RBPJ: variants seen among roughly 807,000 people sequenced by gnomAD.
RBPJ encodes recombining binding protein suppressor of hairless.
Under a neutral mutation model 67.8 loss-of-function variants are expected in RBPJ, and 9 were observed. That is an observed-to-expected ratio of 0.13 (90% CI 0.08 to 0.23). The LOEUF (loss-of-function observed/expected upper bound fraction) is 0.23, where lower values mean the gene tolerates loss of function less well. Among genes scored for constraint, RBPJ ranks in the 10% least tolerant of loss-of-function variants. The pLI is 1.00. For missense variants in RBPJ, 305 were observed against 595.6 expected (o/e 0.51, Z 5.08); for synonymous variants, 198 against 203.3 (o/e 0.97, Z 0.22).
At chr4:26,363,798 T>C (rs1337928937) in intron 1 of RBPJ, among the ~76,000 whole-genome samples, 1 of 152,218 alleles carries the variant, frequency 6.6e-6, no homozygotes, top group Non-Finnish European at 1.5e-5. Flanking sequence ...AATGTATGTA[T>C]GCAGTTATTC....
At chr4:26,378,139 A>T (rs992195111) in intron 1 of RBPJ, among the ~76,000 whole-genome samples, 6 of 152,020 alleles carry the variant, frequency 3.9e-5, no homozygotes, top group African/African-American at 1.4e-4. Context: ...ACTGTTCCAC[A>T]GTTGGGGTTT....
At chr4:26,276,257 A>G (rs1395265925) in intron 1 of RBPJ, among the ~76,000 whole-genome samples, 3 of 149,208 alleles carry the variant, frequency 2.0e-5, no homozygotes, top group African/African-American at 7.4e-5. Context: ...TGGGTGACAG[A>G]GCAAGACTCC....
intron 1 of RBPJ, among the ~76,000 whole-genome samples, chr4:26,305,865 C>T (rs954515724): frequency 1.3e-5 from 2 of 148,856 alleles, no homozygotes; most frequent in African/African-American, 2.5e-5. Context: ...CTGCAACCTC[C>T]GCCTCCTGGG....
intron 1 of RBPJ, among the ~76,000 whole-genome samples, chr4:26,173,917 A>T (rs1716701031): frequency 6.6e-6 from 1 of 152,164 alleles, no homozygotes; most frequent in Non-Finnish European, 1.5e-5. Context: ...GCGCAATAGG[A>T]GAGGTGTGTA....
At chr4:26,202,999 AAGG>A in intron 1 of RBPJ, among the ~76,000 whole-genome samples, 3 of 146,888 alleles carry the variant, frequency 2.0e-5, no homozygotes, top group African/African-American at 7.4e-5. Context: ...GGAAGGAAGG[AAGG>A]AAGGAAAAAA....
At chr4:26,388,249 C>A (rs1731119719) in intron 2 of RBPJ, among the ~76,000 whole-genome samples, 1 of 152,144 alleles carries the variant, frequency 6.6e-6, no homozygotes, top group African/African-American at 2.4e-5. Flanking sequence ...CTCCTGCTTC[C>A]TTGGCCTCCC....
chr4:26,115,348 C>G, the RBPJ span, among the ~76,000 whole-genome samples: 1 of 152,024 alleles, frequency 6.6e-6, no homozygotes, highest in Non-Finnish European at 1.5e-5. Context: ...CAGTCCTATT[C>G]TAAATACTAT....
intron 3 of RBPJ, among the ~76,000 whole-genome samples, chr4:26,410,626 C>CCTAA (rs1235908331): frequency 6.6e-6 from 1 of 152,118 alleles, no homozygotes; most frequent in Non-Finnish European, 1.5e-5. Flanking sequence ...GCAAAAAGTT[C>CCTAA]CTAAATATGG....
chr4:26,392,777 C>T (rs1731650306), intron 2 of RBPJ, among the ~76,000 whole-genome samples: 1 of 152,148 alleles, frequency 6.6e-6, no homozygotes, highest in Non-Finnish European at 1.5e-5. Flanking sequence ...TCACATTGCA[C>T]ACTTTAAATA....
intron 1 of RBPJ, among the ~76,000 whole-genome samples, chr4:26,380,803 TTCTTG>T: frequency 6.6e-6 from 1 of 152,208 alleles, no homozygotes; most frequent in South Asian, 2.1e-4. Flanking sequence ...TTCACCGTGT[TTCTTG>T]TCTTATTTAA....
chr4:26,202,971 AAGG>A (rs1167283295), intron 1 of RBPJ, among the ~76,000 whole-genome samples: 5 of 8,828 alleles, frequency 5.7e-4, no homozygotes, highest in South Asian at 2.8e-3. Context: ...GGAAGGAAAT[AAGG>A]AAGGAAGGAA....
chr4:26,228,029 T>A (rs1259936886), intron 1 of RBPJ, among the ~76,000 whole-genome samples: 1 of 152,174 alleles, frequency 6.6e-6, no homozygotes, highest in Non-Finnish European at 1.5e-5. Context: ...GCTCAGGACC[T>A]CCCTGCTGCG....
At chr4:26,261,519 G>A (rs1720536419) in intron 1 of RBPJ, among the ~76,000 whole-genome samples, 1 of 152,170 alleles carries the variant, frequency 6.6e-6, no homozygotes, top group African/African-American at 2.4e-5. Context: ...AAGAAGAGAG[G>A]GAAGTGGTCA....
chr4:26,134,985 C>A, the RBPJ span, among the ~76,000 whole-genome samples: 2 of 152,182 alleles, frequency 1.3e-5, no homozygotes, highest in African/African-American at 4.8e-5. Flanking sequence ...TACCACAGTT[C>A]TTTCTGCAGC....
chr4:26,424,562 TG>T lies in RBPJ; in HGVS notation c.635-68del. On this transcript the variant is annotated intron_variant, in intron 6 of 10. Coordinates refer to ENST00000355476, the MANE Select transcript of RBPJ (RefSeq NM_015874.6). The surrounding 1 kb of genome is among the most constrained non-coding windows in gnomAD (Gnocchi z 5.3). ...TGAGATACATGGATATATTAAGTTT[TG>T]TCATTTGCCTAATCATAAAATAAAT... 1 of 1,564,834 alleles carries T rather than the reference TG, an allele frequency of 6.4e-7. No individual in the cohort carries two copies. The highest frequency in any genetic ancestry group is 8.8e-7 in the Non-Finnish European group (1 of 1,142,212).
intron 1 of RBPJ, among the ~76,000 whole-genome samples, chr4:26,295,097 C>A (rs943247131): frequency 6.6e-6 from 1 of 151,974 alleles, no homozygotes; most frequent in African/African-American, 2.4e-5. Context: ...GACAAAGAGC[C>A]GTAAATCACT....
At chr4:26,134,592 T>C in the RBPJ span, among the ~76,000 whole-genome samples, 10 of 152,238 alleles carry the variant, frequency 6.6e-5, no homozygotes, top group African/African-American at 2.4e-4. Context: ...TCCCTGCAAA[T>C]GCAACTTCCC....
the RBPJ span, among the ~76,000 whole-genome samples, chr4:26,133,790 A>C: frequency 6.6e-6 from 1 of 151,236 alleles, no homozygotes; most frequent in South Asian, 2.1e-4. Flanking sequence ...CCTAGTGTCA[A>C]AAAGGTGGAG....
Position 26,430,322 on chromosome 4 carries a change from T to TA in RBPJ, c.1045-89dup, listed in dbSNP as rs200466767. ...AAAAAACATTTTAATTGCCCTTTTT[T>TA]AAAAAAAACAAATGAAAGTTGAATG... On this transcript the variant is annotated intron_variant, in intron 9 of 10. Coordinates refer to ENST00000355476, the MANE Select transcript of RBPJ (RefSeq NM_015874.6). This position sits in a 1 kb window ranked among gnomAD's most constrained non-coding sequence, Gnocchi z 4.1. 823 of 1,108,158 alleles carry TA rather than the reference T, an allele frequency of 7.4e-4. 3 individuals carry two copies. In the African/African-American group the frequency reaches 9.6e-3, roughly 13 times the overall value. 68.6% of individuals were successfully genotyped at this position (1,108,158 alleles called of 1,614,324 possible). A position where few individuals can be genotyped will look rare whatever the true frequency, so the allele number is the denominator to read the frequency against.
Sources: allele counts gnomAD v4.1 joint callset (sites outside exome capture counted in the v4.1 genomes callset), GRCh38; gene constraint gnomAD v4.1.1; non-coding constraint Gnocchi (gnomAD v3.1); transcripts MANE v1.5; gene names NCBI Gene and HGNC (gene_info 2026-07-23, HGNC 2026-07-21).